ADARB1: variants seen among roughly 807,000 people sequenced by gnomAD.
ADARB1 encodes double-stranded RNA-specific editase 1.
A neutral mutation model predicts 52.4 loss-of-function variants in ADARB1; 10 were observed. The observed-to-expected ratio is 0.19, with a 90% CI of 0.12 to 0.32. ADARB1 has a LOEUF of 0.32. Ranked by LOEUF, ADARB1 falls within the 10% of genes least tolerant of loss-of-function variation. The probability of loss-of-function intolerance (pLI) is 1.00; values close to 1 mark genes in which losing one functional copy is unlikely to be tolerated. For missense variants in ADARB1, 643 were observed against 922.3 expected (o/e 0.70, Z 3.92); for synonymous variants, 349 against 371.1 (o/e 0.94, Z 0.68).
At chr21:45,211,534 A>G (rs3788187) in intron 9 of ADARB1, among the ~76,000 whole-genome samples, 1 of 152,228 alleles carries the variant, frequency 6.6e-6, no homozygotes, top group East Asian at 1.9e-4. Flanking sequence ...ATTAATCATT[A>G]TGTATATTAT....
chr21:45,099,905 G>A (rs2086927332), intron 1 of ADARB1, among the ~76,000 whole-genome samples: 1 of 152,004 alleles, frequency 6.6e-6, no homozygotes, highest in South Asian at 2.1e-4. Flanking sequence ...GTGGTGTTGG[G>A]GTTACTTTCC....
At chr21:45,135,057 A>G (rs1287740172) in intron 2 of ADARB1, among the ~76,000 whole-genome samples, 2 of 152,208 alleles carry the variant, frequency 1.3e-5, no homozygotes, top group African/African-American at 2.4e-5. Flanking sequence ...ACAAACAGAA[A>G]AGGAAGAATC....
In ADARB1 at chr21:45,172,738, C is replaced by T. The variant is rs1016290716; in HGVS notation, c.28+1054C>T. 1.6e-4 allele frequency among the ~76,000 whole-genome samples: 24 copies of T among 152,256 alleles called. No individual in the cohort carries two copies. Among genetic ancestry groups the T allele is most frequent in the African/African-American group, 5.3e-4 (22 of 41,538 alleles). On this transcript the variant is annotated intron_variant, in intron 3 of 10. Transcript: ENST00000348831. This position sits in a 1 kb window ranked among gnomAD's most constrained non-coding sequence, Gnocchi z 4.4. ...GCCATCTGGGGTGTGAGGGTGAGAC[C>T]ACCTCCTGCAGTGCTACCCAGGAAC...
intron 2 of ADARB1, among the ~76,000 whole-genome samples, chr21:45,147,885 T>C (rs2090085588): frequency 6.6e-6 from 1 of 152,112 alleles, no homozygotes; most frequent in African/African-American, 2.4e-5. Context: ...ACGCAGCGGT[T>C]CCTGCTTTAC....
chr21:45,096,125 G>A (rs984541135), intron 1 of ADARB1, among the ~76,000 whole-genome samples: 29 of 152,208 alleles, frequency 1.9e-4, no homozygotes, highest in African/African-American at 6.3e-4. Context: ...ACCTAGTAAC[G>A]AGCATGGCTG....
intron 4 of ADARB1, among the ~76,000 whole-genome samples, chr21:45,179,704 C>T (rs1373550970): frequency 6.6e-6 from 1 of 151,766 alleles, no homozygotes; most frequent in South Asian, 2.1e-4. Context: ...GGCGAGTGAG[C>T]GGAGTCAGAG....
Position 45,182,574 on chromosome 21 carries a change from T to C in ADARB1, c.1079-11T>C. Reference sequence around the variant, plus strand: ...ATTACAGAAAATAGTGTCTCTTTTTTTTTTTTTCAGGCACAGATGTTAAAG... The same window carrying C: ...ATTACAGAAAATAGTGTCTCTTTTTCTTTTTTTCAGGCACAGATGTTAAAG... On this transcript the variant is annotated splice_polypyrimidine_tract_variant and intron_variant, in intron 5 of 10. Transcript: ENST00000348831. 1 of 1,582,048 alleles carries C rather than the reference T, an allele frequency of 6.3e-7. No homozygotes were observed. The highest frequency in any genetic ancestry group is 1.2e-5 in the South Asian group (1 of 83,974).
At chr21:45,166,976 G>A (rs2091278106) in intron 2 of ADARB1, among the ~76,000 whole-genome samples, 1 of 152,086 alleles carries the variant, frequency 6.6e-6, no homozygotes, top group Non-Finnish European at 1.5e-5. Context: ...GTCATAAGAG[G>A]TTCTTTTAAA....
intron 8 of ADARB1, among the ~76,000 whole-genome samples, chr21:45,191,339 C>A (rs921676374): frequency 6.6e-6 from 1 of 152,182 alleles, no homozygotes; most frequent in Non-Finnish European, 1.5e-5. Context: ...TATGTTACAG[C>A]ACTGTCCATG....
intron 1 of ADARB1, among the ~76,000 whole-genome samples, chr21:45,096,766 A>AT (rs1291910969): frequency 6.6e-6 from 1 of 151,868 alleles, no homozygotes. Context: ...TTTTTATTTT[A>AT]TTTTTTTGAG....
intron 2 of ADARB1, among the ~76,000 whole-genome samples, chr21:45,155,621 CCCATGCATCCATCATCCATCTCT>C (rs1020086085): frequency 4.6e-5 from 7 of 151,266 alleles, no homozygotes; most frequent in African/African-American, 1.5e-4. Context: ...CACCCATCTA[CCCATGCATCCATCATCCATCTCT>C]CCATGCATCC....
At chr21:45,181,056 G>A (rs2091913726) in intron 5 of ADARB1, among the ~76,000 whole-genome samples, 1 of 152,172 alleles carries the variant, frequency 6.6e-6, no homozygotes, top group Non-Finnish European at 1.5e-5. Context: ...GGCACCCCAG[G>A]GTGGAGCAAG....
chr21:45,122,616 G>A (rs1247259417), intron 1 of ADARB1, among the ~76,000 whole-genome samples: 1 of 152,172 alleles, frequency 6.6e-6, no homozygotes, highest in Non-Finnish European at 1.5e-5. Context: ...CTGGCCCCTG[G>A]CATGTCAGTG....
At chr21:45,196,252 G>A (rs921480993) in intron 8 of ADARB1, among the ~76,000 whole-genome samples, 2 of 151,750 alleles carry the variant, frequency 1.3e-5, no homozygotes, top group African/African-American at 4.8e-5. Flanking sequence ...AGAAAGAATA[G>A]TCTTTTCAAC....
At chr21:45,215,788 C>T (rs1249200782) in intron 9 of ADARB1, among the ~76,000 whole-genome samples, 1 of 152,102 alleles carries the variant, frequency 6.6e-6, no homozygotes, top group Non-Finnish European at 1.5e-5. Flanking sequence ...TTATATTTGT[C>T]TGTAGGGATA....
At chr21:45,119,121 G>T (rs777821900) in intron 1 of ADARB1, among the ~76,000 whole-genome samples, 6 of 152,076 alleles carry the variant, frequency 3.9e-5, no homozygotes, top group Non-Finnish European at 7.4e-5. Context: ...GCAGGGTCTC[G>T]CTCTGTCACC....
At chr21:45,075,172 GGAGGCTGCGCTGGGGAC>G (rs1295228711) in intron 1 of ADARB1, among the ~76,000 whole-genome samples, 5 of 151,628 alleles carry the variant, frequency 3.3e-5, no homozygotes, top group South Asian at 2.1e-4. Flanking sequence ...CCTGGAGATC[GGAGGCTGCGCTGGGGAC>G]GAGGCTGCGC....
chr21:45,123,966 C>T (rs2088382001), intron 1 of ADARB1, among the ~76,000 whole-genome samples: 1 of 152,168 alleles, frequency 6.6e-6, no homozygotes, highest in African/African-American at 2.4e-5. Context: ...AATGCATCCC[C>T]AATCAATGTA....
intron 2 of ADARB1, among the ~76,000 whole-genome samples, chr21:45,141,126 A>G (rs2089698869): frequency 6.6e-6 from 1 of 152,192 alleles, no homozygotes; most frequent in Non-Finnish European, 1.5e-5. Flanking sequence ...TGATCCCAGG[A>G]GACGGGTGGC....
Sources: allele counts gnomAD v4.1 joint callset (sites outside exome capture counted in the v4.1 genomes callset), GRCh38; gene constraint gnomAD v4.1.1; non-coding constraint Gnocchi (gnomAD v3.1); transcripts MANE v1.5; gene names NCBI Gene and HGNC (gene_info 2026-07-23, HGNC 2026-07-21).